Variants in MEMO1 observed in about 807,000 individuals in gnomAD.
MEMO1 encodes mediator of cell motility 1, also known as protein MEMO1.
Under a neutral mutation model 45.2 loss-of-function variants are expected in MEMO1, and 6 were observed. The observed-to-expected ratio is 0.13, with a 90% CI of 0.07 to 0.26. MEMO1 has a LOEUF of 0.26. MEMO1 is among the 10% of genes least tolerant of loss of function. The probability of loss-of-function intolerance (pLI) is 1.00; values close to 1 mark genes in which losing one functional copy is unlikely to be tolerated. For missense variants in MEMO1, 184 were observed against 370.5 expected, an observed-to-expected ratio of 0.50 and a Z score of 4.13; for synonymous variants, 78 against 124.3, an observed-to-expected ratio of 0.63 and a Z score of 2.48.
rs138781164 is a variant in MEMO1 at position 31,978,091 on chromosome 2, T to G, written c.61+32096A>C. Among the ~76,000 whole-genome samples, 636 of 151,910 alleles carry G rather than the reference T, an allele frequency of 4.2e-3. 9 individuals are homozygous for G. Among genetic ancestry groups the G allele is most frequent in the African/African-American group, 0.015 (625 of 41,486 alleles). The stretch of plus-strand genomic sequence containing the variant: ...CAGTTTCTTCATATGACCGCTGTAT[T>G]AAAAGAGAAATGCAGCCAGGCACGG... On this transcript the variant is annotated intron_variant, in intron 2 of 9. Transcript: ENST00000404530.
intron 6 of MEMO1, among the ~76,000 whole-genome samples, chr2:31,897,790 T>C (rs528572303): frequency 6.6e-6 from 1 of 152,322 alleles, no homozygotes; most frequent in African/African-American, 2.4e-5. Context: ...TCAGAAGGAA[T>C]GGTACCAGCT....
intron 2 of MEMO1, among the ~76,000 whole-genome samples, chr2:31,953,051 T>C (rs1050200117): frequency 1.3e-5 from 2 of 152,174 alleles, no homozygotes; most frequent in African/African-American, 2.4e-5. Flanking sequence ...TATGTATCTA[T>C]ACTTATAAAG....
intron 6 of MEMO1, among the ~76,000 whole-genome samples, chr2:31,907,932 T>C (rs113508890): frequency 0.011 from 1,723 of 152,330 alleles, 39 homozygotes; most frequent in African/African-American, 0.039. Context: ...AAATGCATTA[T>C]TCTTAATCTG....
At chr2:31,902,371 G>A (rs1226301305) in intron 6 of MEMO1, among the ~76,000 whole-genome samples, 3 of 151,608 alleles carry the variant, frequency 2.0e-5, no homozygotes, top group East Asian at 1.9e-4. Flanking sequence ...GCACTCCAGC[G>A]TAGGCAACAG....
intron 2 of MEMO1, among the ~76,000 whole-genome samples, chr2:31,962,035 G>A (rs1195931043): frequency 6.6e-6 from 1 of 151,980 alleles, no homozygotes; most frequent in Non-Finnish European, 1.5e-5. Flanking sequence ...AAATGAAGAG[G>A]ATAAACTCAA....
intron 2 of MEMO1, among the ~76,000 whole-genome samples, chr2:31,978,625 G>T (rs1219407639): frequency 6.6e-6 from 1 of 152,114 alleles, no homozygotes; most frequent in Non-Finnish European, 1.5e-5. Flanking sequence ...TAGAGATGGG[G>T]TCTTGCTGTG....
chr2:31,959,008 T>G (rs560929158), intron 2 of MEMO1, among the ~76,000 whole-genome samples: 116 of 152,180 alleles, frequency 7.6e-4, no homozygotes, highest in African/African-American at 2.7e-3. Context: ...TGAAGGGGGA[T>G]AAGAGAAAGA....
At chr2:31,911,382 A>C (rs1177209443) in intron 6 of MEMO1, among the ~76,000 whole-genome samples, 6 of 152,212 alleles carry the variant, frequency 3.9e-5, no homozygotes, top group Non-Finnish European at 1.5e-5. Flanking sequence ...GGGGAGAAGA[A>C]GGCGATGAAT....
At chr2:31,963,781 G>C (rs1668296189) in intron 2 of MEMO1, among the ~76,000 whole-genome samples, 2 of 152,136 alleles carry the variant, frequency 1.3e-5, no homozygotes, top group African/African-American at 4.8e-5. Context: ...AAGCCTGACT[G>C]ATCAGTTCTC....
intron 2 of MEMO1, among the ~76,000 whole-genome samples, chr2:31,967,404 G>A (rs34231321): frequency 0.12 from 18,220 of 152,076 alleles, 1,176 homozygotes; most frequent in Middle Eastern, 0.21. Context: ...GATTACAGGC[G>A]TGAGCCACCG....
At chr2:31,868,950 CTTTAT>C (rs1230235390) in intron 9 of MEMO1, among the ~76,000 whole-genome samples, 2 of 152,052 alleles carry the variant, frequency 1.3e-5, no homozygotes, top group African/African-American at 2.4e-5. Flanking sequence ...TCAGCATTTA[CTTTAT>C]AATACAAATT....
chr2:31,883,236 T>C (rs1024661170), intron 8 of MEMO1, 150 bp downstream of exon 8: 4 of 604,992 alleles, frequency 6.6e-6, no homozygotes, highest in Non-Finnish European at 1.1e-5. Flanking sequence ...ATTATTCTTA[T>C]AGTCAGTATT....
chr2:31,927,198 T>C (rs1047319111), intron 4 of MEMO1, among the ~76,000 whole-genome samples: 4 of 152,070 alleles, frequency 2.6e-5, no homozygotes, highest in Non-Finnish European at 5.9e-5. Flanking sequence ...CGTTCGCCTG[T>C]AGTCCCAGCT....
intron 2 of MEMO1, among the ~76,000 whole-genome samples, chr2:31,968,206 T>C (rs1668860953): frequency 6.6e-6 from 1 of 152,104 alleles, no homozygotes; most frequent in African/African-American, 2.4e-5. Flanking sequence ...CTCAAACCAA[T>C]GAACATCTGT....
chr2:31,948,327 C>G (rs868230245), intron 2 of MEMO1, among the ~76,000 whole-genome samples: 32 of 152,312 alleles, frequency 2.1e-4, no homozygotes, highest in African/African-American at 7.5e-4. Flanking sequence ...GACCAACTGC[C>G]ACAACTTTTT....
At chr2:31,932,527 C>G (rs984363833) in intron 3 of MEMO1, among the ~76,000 whole-genome samples, 1 of 151,980 alleles carries the variant, frequency 6.6e-6, no homozygotes, top group Non-Finnish European at 1.5e-5. Flanking sequence ...CAGCCTCAAC[C>G]TCCCAGGCTC....
At chr2:31,925,848 G>A (rs554710020) in intron 4 of MEMO1, among the ~76,000 whole-genome samples, 11 of 152,172 alleles carry the variant, frequency 7.2e-5, no homozygotes, top group Non-Finnish European at 1.3e-4. Flanking sequence ...CTTGACTCTC[G>A]AGTAGGTATC....
intron 2 of MEMO1, among the ~76,000 whole-genome samples, chr2:31,966,009 A>G (rs1668572166): frequency 6.6e-6 from 1 of 152,176 alleles, no homozygotes; most frequent in Non-Finnish European, 1.5e-5. Context: ...TAAAACACTT[A>G]CTTTATATGG....
chr2:31,929,380 ATT>A (rs1430424749), intron 4 of MEMO1, among the ~76,000 whole-genome samples: 3 of 150,012 alleles, frequency 2.0e-5, no homozygotes, highest in African/African-American at 7.3e-5. Context: ...GACATGAGTT[ATT>A]TTTTCATGTA....
Sources: gnomAD v4.1 joint callset for allele counts (sites outside exome capture counted in the v4.1 genomes callset) on GRCh38, gnomAD v4.1.1 for gene constraint, MANE v1.5 for transcripts, NCBI Gene and HGNC (gene_info 2026-07-23, HGNC 2026-07-21) for gene names.